PDXDC1: variants seen among roughly 807,000 people sequenced by gnomAD.
PDXDC1 encodes pyridoxal-dependent decarboxylase domain-containing protein 1.
PDXDC1 carries 42 observed loss-of-function variants against 100.1 expected under a neutral mutation model. The ratio of observed to expected loss-of-function variants is 0.42; its 90% CI spans 0.33 to 0.54. The LOEUF (loss-of-function observed/expected upper bound fraction) is 0.54. PDXDC1 is among the 20% of genes least tolerant of loss of function. The pLI, the probability that PDXDC1 is intolerant of heterozygous loss-of-function variation, is 0.10. For missense variants in PDXDC1, 636 were observed against 979.2 expected (o/e 0.65, Z 4.68); for synonymous variants, 260 against 371.7 (o/e 0.70, Z 3.46).
intron 16 of PDXDC1, among the ~76,000 whole-genome samples, chr16:15,043,858 G>A (rs138059065): frequency 6.6e-6 from 1 of 151,990 alleles, no homozygotes; most frequent in African/African-American, 2.4e-5. Context: ...TGAGGCAAGA[G>A]AATTGCTTGA....
intron 3 of PDXDC1, among the ~76,000 whole-genome samples, chr16:15,000,366 A>G (rs1972880683): frequency 6.6e-6 from 1 of 152,290 alleles, no homozygotes; most frequent in African/African-American, 2.4e-5. Context: ...GCAAGTTGGA[A>G]TAGCTTGCTC....
At chr16:15,133,211 G>C in intron 16 of PDXDC1, 2 of 1,204,606 alleles carry the variant, frequency 1.7e-6, no homozygotes, top group Non-Finnish European at 2.4e-6. Flanking sequence ...TACAGGTCTT[G>C]GTCCCCAGCA....
chr16:15,146,899 C>T, the PDXDC1 span, among the ~76,000 whole-genome samples: 1 of 152,006 alleles, frequency 6.6e-6, no homozygotes, highest in Admixed American at 6.6e-5. Context: ...ATGGAGCCCA[C>T]TTTACAGGTG....
downstream of PDXDC1, among the ~76,000 whole-genome samples, chr16:15,139,911 C>A (rs1026457658): frequency 6.6e-6 from 1 of 151,964 alleles, no homozygotes; most frequent in Admixed American, 6.5e-5. Context: ...TCCTGGCCAA[C>A]AGGGTGAAAC....
intron 16 of PDXDC1, chr16:15,060,249 A>T (rs2044664719): frequency 6.0e-6 from 2 of 335,224 alleles, no homozygotes; most frequent in Middle Eastern, 3.9e-4. Flanking sequence ...ATCTAATATT[A>T]AAAAATCAAC....
At chr16:15,072,183 A>G (rs2045261476) in intron 16 of PDXDC1, among the ~76,000 whole-genome samples, 2 of 151,412 alleles carry the variant, frequency 1.3e-5, no homozygotes. Flanking sequence ...CACTCTCCTG[A>G]TCTCTAGGAA....
At chr16:15,030,720 C>A (rs956323642) in intron 16 of PDXDC1, among the ~76,000 whole-genome samples, 1 of 151,400 alleles carries the variant, frequency 6.6e-6, no homozygotes, top group African/African-American at 2.4e-5. Flanking sequence ...GGAGTTGGGA[C>A]CACAGGCATG....
intron 1 of PDXDC1, among the ~76,000 whole-genome samples, chr16:14,994,545 T>C (rs535975641): frequency 6.6e-6 from 1 of 152,414 alleles, no homozygotes; most frequent in South Asian, 2.1e-4. Flanking sequence ...TACTGTAGCC[T>C]TGTAGTATAG....
At chr16:15,151,424 CAAAAAAAAA>C in the PDXDC1 span, among the ~76,000 whole-genome samples, 2 of 14,444 alleles carry the variant, frequency 1.4e-4, no homozygotes, top group African/African-American at 2.1e-4. Flanking sequence ...GACTCCGTCT[CAAAAAAAAA>C]AAAAAAAAAA....
chr16:14,990,313 T>G (rs1970485935), intron 1 of PDXDC1, among the ~76,000 whole-genome samples: 1 of 152,214 alleles, frequency 6.6e-6, no homozygotes, highest in African/African-American at 2.4e-5. Context: ...CATCGCTGCT[T>G]CCTCCTCCTT....
chr16:15,148,708 G>A, the PDXDC1 span, among the ~76,000 whole-genome samples: 8 of 151,718 alleles, frequency 5.3e-5, no homozygotes, highest in African/African-American at 1.9e-4. Context: ...CCTGTCTGTT[G>A]TTGAATCATA....
Position 15,037,763 on chromosome 16 carries a change from A to G in PDXDC1, c.*1488A>G. Reference sequence around the variant, plus strand: ...TGAAATAGCTGCCGATAGACCAGTGAGAGGTAGGTTCTCCTCTGCCCGTTA... The same window carrying G: ...TGAAATAGCTGCCGATAGACCAGTGGGAGGTAGGTTCTCCTCTGCCCGTTA... On this transcript the variant is annotated 3_prime_UTR_variant, in exon 23 of 23. Coordinates refer to ENST00000396410, the MANE Select transcript of PDXDC1 (RefSeq NM_015027.4). 1 of 335,856 alleles carries G rather than the reference A, an allele frequency of 3.0e-6. No individual in the cohort carries two copies. Among genetic ancestry groups the G allele is most frequent in the Non-Finnish European group, 5.3e-6 (1 of 186,932 alleles). 20.8% of individuals were successfully genotyped at this position (335,856 alleles called of 1,614,324 possible).
chr16:15,142,301 T>C (rs920165238), downstream of PDXDC1, among the ~76,000 whole-genome samples: 2 of 151,320 alleles, frequency 1.3e-5, no homozygotes, highest in African/African-American at 4.8e-5. Flanking sequence ...ACTTCTTCCA[T>C]GCCAGCAGGC....
At chr16:15,044,345 T>C (rs2043956188) in intron 16 of PDXDC1, 1 of 1,609,732 alleles carries the variant, frequency 6.2e-7, no homozygotes, top group Non-Finnish European at 8.5e-7. Flanking sequence ...AAGAAGTTGA[T>C]GAGTGAGTTT....
intron 16 of PDXDC1, among the ~76,000 whole-genome samples, chr16:15,106,589 A>G (rs1048368856): frequency 1.3e-5 from 2 of 149,958 alleles, no homozygotes; most frequent in African/African-American, 4.8e-5. Flanking sequence ...CCCTGTCTCT[A>G]CTAAAAATAC....
chr16:15,124,532 T>C (rs932368388), intron 16 of PDXDC1, among the ~76,000 whole-genome samples: 92 of 151,054 alleles, frequency 6.1e-4, no homozygotes, highest in Non-Finnish European at 1.1e-3. Context: ...CCCAGCACTT[T>C]GGGAGGCCGA....
chr16:15,072,394 T>G (rs1322969114), intron 16 of PDXDC1, among the ~76,000 whole-genome samples: 2 of 152,122 alleles, frequency 1.3e-5, no homozygotes, highest in Non-Finnish European at 2.9e-5. Context: ...GAGATTTTAA[T>G]AGAGAAAGGC....
intron 1 of PDXDC1, chr16:14,988,917 A>T: frequency 1.2e-6 from 2 of 1,613,428 alleles, no homozygotes; most frequent in East Asian, 2.2e-5. Context: ...GGAGGACAGC[A>T]GCCCCGGCCA....
intron 1 of PDXDC1, among the ~76,000 whole-genome samples, chr16:14,990,479 T>C (rs904242334): frequency 1.9e-4 from 29 of 152,294 alleles, no homozygotes; most frequent in African/African-American, 6.0e-4. Flanking sequence ...TAGAAGCTTA[T>C]GAAGACGCTG....
Sources: gnomAD v4.1 joint callset for allele counts (sites outside exome capture counted in the v4.1 genomes callset) on GRCh38, gnomAD v4.1.1 for gene constraint, MANE v1.5 for transcripts, NCBI Gene and HGNC (gene_info 2026-07-23, HGNC 2026-07-21) for gene names.